Variants in PPP1R16B observed in about 807,000 individuals in gnomAD.
The protein encoded by PPP1R16B is protein phosphatase 1 regulatory subunit 16B.
PPP1R16B carries 14 observed loss-of-function variants against 61.7 expected under a neutral mutation model. The observed-to-expected ratio is 0.23, with a 90% confidence interval of 0.15 to 0.35. The LOEUF (loss-of-function observed/expected upper bound fraction) is 0.35, where lower values mean the gene tolerates loss of function less well. Among genes scored for constraint, PPP1R16B ranks in the 10% least tolerant of loss-of-function variants. PPP1R16B has a pLI of 1.00. For missense variants in PPP1R16B, 547 were observed against 752.5 expected, an observed-to-expected ratio of 0.73 and a Z score of 3.19; for synonymous variants, 266 against 305.3, an observed-to-expected ratio of 0.87 and a Z score of 1.34.
chr20:38,883,322 G>A (rs1415605673), intron 2 of PPP1R16B, among the ~76,000 whole-genome samples: 1 of 152,260 alleles, frequency 6.6e-6, no homozygotes, highest in Admixed American at 6.5e-5. Flanking sequence ...TCTGTGAGAC[G>A]GAGTGGGTCA....
In PPP1R16B at chr20:38,853,146, GCA is replaced by G. The variant is rs560255117; in HGVS notation, c.250+16974_250+16975del. ...ACAAAATTCATGAGGCTCTTTGTAC[GCA>G]CAGACTTCAGGCCTTTCTCTCAACA... On this transcript the variant is annotated intron_variant, in intron 2 of 10. Coordinates refer to ENST00000299824, the MANE Select transcript of PPP1R16B (RefSeq NM_015568.4). Among the ~76,000 whole-genome samples, 79 of 152,270 alleles carry G rather than the reference GCA, an allele frequency of 5.2e-4. 1 individual carries two copies. Among genetic ancestry groups the G allele is most frequent in the African/African-American group, 1.8e-3 (73 of 41,544 alleles).
chr20:38,884,818 T>G (rs944281509), intron 2 of PPP1R16B, among the ~76,000 whole-genome samples: 1 of 151,490 alleles, frequency 6.6e-6, no homozygotes, highest in African/African-American at 2.4e-5. Context: ...ACACCTGTAA[T>G]CCCAGGATTT....
chr20:38,820,887 A>ATG (rs1245735060), intron 1 of PPP1R16B, among the ~76,000 whole-genome samples: 1 of 151,174 alleles, frequency 6.6e-6, no homozygotes, highest in East Asian at 2.0e-4. Flanking sequence ...ATATATATAT[A>ATG]AAAATTAGCT....
intron 2 of PPP1R16B, among the ~76,000 whole-genome samples, chr20:38,843,706 A>G (rs1006032615): frequency 1.3e-5 from 2 of 152,200 alleles, no homozygotes; most frequent in African/African-American, 4.8e-5. Context: ...ATTTGTGGAC[A>G]TGTTTTAAAA....
chr20:38,835,289 G>A (rs6028158), intron 1 of PPP1R16B, among the ~76,000 whole-genome samples: 7,425 of 152,268 alleles, frequency 0.049, 186 homozygotes, highest in Non-Finnish European at 0.059. Context: ...TTGGATGTTT[G>A]TATAGTCTCC....
intron 1 of PPP1R16B, among the ~76,000 whole-genome samples, chr20:38,826,291 T>C (rs1363110713): frequency 6.6e-6 from 1 of 152,342 alleles, no homozygotes. Context: ...AGCTATTACA[T>C]AAGCTTCTTT....
At chr20:38,835,641 C>A (rs2084864260) in intron 1 of PPP1R16B, among the ~76,000 whole-genome samples, 184 bp from the exon 2 acceptor site, 1 of 152,260 alleles carries the variant, frequency 6.6e-6, no homozygotes, top group Non-Finnish European at 1.5e-5. Context: ...CTGGCTGCTG[C>A]ATTAGGCAGC....
chr20:38,857,846 C>T (rs1002375193), intron 2 of PPP1R16B, among the ~76,000 whole-genome samples: 2 of 151,942 alleles, frequency 1.3e-5, no homozygotes, highest in African/African-American at 4.8e-5. Context: ...GCCCACCAGT[C>T]TTTCTCGGTG....
chr20:38,856,485 A>C (rs1038185068), intron 2 of PPP1R16B, among the ~76,000 whole-genome samples: 1 of 152,174 alleles, frequency 6.6e-6, no homozygotes, highest in East Asian at 1.9e-4. Context: ...TAGCAGTAGC[A>C]GGTAGGTGTG....
intron 2 of PPP1R16B, among the ~76,000 whole-genome samples, chr20:38,876,020 C>T (rs1037047834): frequency 2.2e-5 from 3 of 136,742 alleles, no homozygotes; most frequent in African/African-American, 8.5e-5. Context: ...GTTGCCCAGG[C>T]TGGAGTGCAA....
chr20:38,885,036 CAAAAAAAAAAA>C (rs71330453), intron 2 of PPP1R16B, among the ~76,000 whole-genome samples: 77 of 67,816 alleles, frequency 1.1e-3, no homozygotes, highest in Non-Finnish European at 1.8e-3. Context: ...AACTCTGTCT[CAAAAAAAAAAA>C]AAAAAAAAAA....
intron 2 of PPP1R16B, among the ~76,000 whole-genome samples, chr20:38,842,687 AC>A (rs1601249897): frequency 1.3e-5 from 2 of 151,994 alleles, no homozygotes; most frequent in South Asian, 4.2e-4. Context: ...GCCACCTGCA[AC>A]CCCCTCCCCC....
At chr20:38,856,251 A>G (rs1023712308) in intron 2 of PPP1R16B, among the ~76,000 whole-genome samples, 3 of 152,004 alleles carry the variant, frequency 2.0e-5, no homozygotes, top group African/African-American at 7.2e-5. Flanking sequence ...TAACTTGATG[A>G]TGAAGGCCAG....
chr20:38,871,197 TAC>T (rs2085126650), intron 2 of PPP1R16B, among the ~76,000 whole-genome samples: 1 of 152,090 alleles, frequency 6.6e-6, no homozygotes, highest in Admixed American at 6.5e-5. Flanking sequence ...AGGTGTCCTG[TAC>T]ACAGAGTCCT....
rs1195171754 is a variant in PPP1R16B, at chr20:38,918,775, C to T, written c.*109C>T. On this transcript the variant is annotated 3_prime_UTR_variant, in exon 11 of 11. Transcript: ENST00000299824. The surrounding 1 kb of genome is among the most constrained non-coding windows in gnomAD (Gnocchi z 5.3). ...CAGGGCAGCTGGGGAGAGGTGGGCT[C>T]TGCTTTTCAGAGGAACTCAGACCCC... 8.5e-6 allele frequency: 11 copies of T among 1,298,820 alleles called. No individual in the cohort carries two copies. Among genetic ancestry groups the T allele is most frequent in the Admixed American group, 6.3e-5 (2 of 31,570 alleles). 80.5% of individuals were successfully genotyped at this position (1,298,820 alleles called of 1,614,324 possible).
chr20:38,886,399 T>G (rs113573214), intron 2 of PPP1R16B, among the ~76,000 whole-genome samples: 1,717 of 152,324 alleles, frequency 0.011, 28 homozygotes, highest in African/African-American at 0.039. Context: ...TGGCAGCTGA[T>G]GCTTATTTTC....
In PPP1R16B at chr20:38,835,931, C is replaced by A. The variant is rs1470357285; in HGVS notation, c.6C>A (p.Ala2=). 2 of 1,539,320 alleles carry A rather than the reference C, an allele frequency of 1.3e-6. No homozygotes were observed. The highest frequency in any genetic ancestry group is 1.7e-6 in the Non-Finnish European group (2 of 1,144,542). The change falls in exon 2 of 11, where the codon GCC becomes GCA. Residue 2 remains alanine (A), a synonymous_variant. Coordinates refer to ENST00000299824, the MANE Select transcript of PPP1R16B (RefSeq NM_015568.4). Reference sequence around the variant, plus strand: ...CGTTGGGGAGGGCGGTGGCCATGGCCAGTCACGTGGACCTGCTGACGGAGC... The same window carrying A: ...CGTTGGGGAGGGCGGTGGCCATGGCAAGTCACGTGGACCTGCTGACGGAGC... M[A]SHVDLLTELQ... is the part of the protein sequence containing the mutation.
chr20:38,895,588 A>G lies in PPP1R16B; in HGVS notation c.345A>G (p.Glu115=), dbSNP rs1181186378. The G allele has an allele frequency of 1.2e-6, 2 of 1,613,850 alleles. No homozygotes were observed. Among genetic ancestry groups the G allele is most frequent in the Non-Finnish European group, 1.7e-6 (2 of 1,179,766 alleles). ...AGTGCTGCATCGACAACTTTGAGGA[A>G]ATTGTGAAGCTGCTCCTCTCCCATG... ...LHQCCIDNFE[E]IVKLLLSHGA... is the part of the protein sequence containing the mutation. The change falls in exon 4 of 11, where the codon GAA becomes GAG. Residue 115 remains glutamate (E), a synonymous_variant. Coordinates refer to ENST00000299824, the MANE Select transcript of PPP1R16B (RefSeq NM_015568.4).
chr20:38,843,595 T>G (rs546468283), intron 2 of PPP1R16B, among the ~76,000 whole-genome samples: 161 of 152,382 alleles, frequency 1.1e-3, no homozygotes, highest in Non-Finnish European at 1.7e-3. Context: ...TTGGAAATCA[T>G]GTACCATCAC....
Sources: allele counts gnomAD v4.1 joint callset (sites outside exome capture counted in the v4.1 genomes callset), GRCh38; gene constraint gnomAD v4.1.1; non-coding constraint Gnocchi (gnomAD v3.1); transcripts MANE v1.5; gene names NCBI Gene and HGNC (gene_info 2026-07-23, HGNC 2026-07-21).